Variants in PARD6G observed in about 807,000 individuals in gnomAD.
The protein encoded by PARD6G is partitioning defective 6 homolog gamma.
PARD6G carries 7 observed loss-of-function variants against 10.7 expected under a neutral mutation model. The observed-to-expected ratio is 0.66, with a 90% CI of 0.37 to 1.23. The LOEUF is 1.23. PARD6G is among the 50% of genes most tolerant of loss of function. PARD6G has a pLI of 0.02. For synonymous variants in PARD6G, 287 were observed against 269.4 expected, an observed-to-expected ratio of 1.07 and a Z score of -0.64; for missense variants, 548 against 571.8, an observed-to-expected ratio of 0.96 and a Z score of 0.42.
At chr18:80,171,165 C>T (rs7242254) in intron 2 of PARD6G, 36,215 of 152,194 alleles carry the variant, frequency 0.24, 5,635 homozygotes, top group Non-Finnish European at 0.36. Flanking sequence ...TTACTATAGT[C>T]AGCATTTGCT....
chr18:80,233,348 A>C (rs1245617583), intron 1 of PARD6G, among the ~76,000 whole-genome samples: 2 of 152,202 alleles, frequency 1.3e-5, no homozygotes, highest in Non-Finnish European at 2.9e-5. Flanking sequence ...AGGACCCAGG[A>C]GGCCTGTCCC....
rs2052676451 is a variant in PARD6G at position 80,159,138 on chromosome 18, T to TGC, written c.*631_*632dup. On this transcript the variant is annotated 3_prime_UTR_variant, in exon 3 of 3. Transcript: ENST00000353265. ...CAAGGTAGCTGGGATTACAGGCGCC[T>TGC]GCCACCACACCTGGCTAATTTTTAT... 2.0e-5 allele frequency: 3 copies of TGC among 152,038 alleles called. No individual in the cohort carries two copies. The highest frequency in any genetic ancestry group is 7.2e-5 in the African/African-American group (3 of 41,390). 9.4% of individuals were successfully genotyped at this position (152,038 alleles called of 1,614,324 possible). A position where few individuals can be genotyped will look rare whatever the true frequency, so the allele number is the denominator to read the frequency against.
In PARD6G at chr18:80,231,395, G is replaced by T. The variant is rs1312235750; in HGVS notation, c.72+15882C>A. Among the ~76,000 whole-genome samples the T allele has an allele frequency of 1.3e-5, 2 of 152,210 alleles. No homozygotes were observed. Among genetic ancestry groups the T allele is most frequent in the African/African-American group, 4.8e-5 (2 of 41,454 alleles). Reference sequence around the variant, plus strand: ...GGGTCCCATTCCGATGTGAGCTCATGATACATGGAGGAATTAGGCAGTTCT... The same window carrying T: ...GGGTCCCATTCCGATGTGAGCTCATTATACATGGAGGAATTAGGCAGTTCT... On this transcript the variant is annotated intron_variant, in intron 1 of 2. Transcript: ENST00000353265. The surrounding 1 kb of genome is among the most constrained non-coding windows in gnomAD (Gnocchi z 4.2).
intron 2 of PARD6G, among the ~76,000 whole-genome samples, chr18:80,190,529 C>T (rs542852235): frequency 2.6e-5 from 4 of 152,302 alleles, no homozygotes; most frequent in Non-Finnish European, 5.9e-5. Context: ...TGCTTCTCCA[C>T]CTGTAAGTCC....
intron 1 of PARD6G, among the ~76,000 whole-genome samples, chr18:80,214,755 G>A (rs1480340590): frequency 6.6e-6 from 1 of 151,984 alleles, no homozygotes; most frequent in Non-Finnish European, 1.5e-5. Flanking sequence ...AGGTCCCAGA[G>A]GAGAGAAAGA....
At chr18:80,196,450 TTATGA>T (rs1212372815) in intron 2 of PARD6G, among the ~76,000 whole-genome samples, 1 of 152,240 alleles carries the variant, frequency 6.6e-6, no homozygotes, top group Non-Finnish European at 1.5e-5. Flanking sequence ...ATGGATATGC[TTATGA>T]TATGTTAGGT....
rs1966997448 is a variant in PARD6G, at chr18:80,200,401, A to G, written c.295+2309T>C. Among the ~76,000 whole-genome samples, 1 of 152,204 alleles carries G rather than the reference A, an allele frequency of 6.6e-6. No individual in the cohort carries two copies. Among genetic ancestry groups the G allele is most frequent in the African/African-American group, 2.4e-5 (1 of 41,460 alleles). On this transcript the variant is annotated intron_variant, in intron 2 of 2. Coordinates refer to ENST00000353265, the MANE Select transcript of PARD6G (RefSeq NM_032510.4). The surrounding 1 kb of genome is among the most constrained non-coding windows in gnomAD (Gnocchi z 4.4). Reference sequence around the variant, plus strand: ...TTCCCAAAGACAGGACCGAGGGGCCAGTGAAGGGCTTGTCATCAGCAGATG... The same window carrying G: ...TTCCCAAAGACAGGACCGAGGGGCCGGTGAAGGGCTTGTCATCAGCAGATG...
intron 1 of PARD6G, among the ~76,000 whole-genome samples, chr18:80,212,076 G>A (rs573569092): frequency 2.0e-5 from 3 of 152,278 alleles, no homozygotes; most frequent in African/African-American, 7.2e-5. Context: ...TTCCCAGCCA[G>A]GGCCACACTG....
In PARD6G at chr18:80,189,713, G is replaced by A. The variant is rs537207967; in HGVS notation, c.295+12997C>T. ...GTCCCCTGGGAGTCCCCCGTCCGTC[G>A]TTGAGGCTGTTCTTTCATCTCCCAG... On this transcript the variant is annotated intron_variant, in intron 2 of 2. Transcript: ENST00000353265. The surrounding 1 kb of genome is among the most constrained non-coding windows in gnomAD (Gnocchi z 5.5). 1.9e-4 allele frequency among the ~76,000 whole-genome samples: 29 copies of A among 152,066 alleles called. No homozygotes were observed. Among genetic ancestry groups the A allele is most frequent in the East Asian group, 3.9e-4 (2 of 5,166 alleles).
At chr18:80,179,691 G>A (rs1043550517) in intron 2 of PARD6G, among the ~76,000 whole-genome samples, 17 of 152,340 alleles carry the variant, frequency 1.1e-4, no homozygotes, top group African/African-American at 3.1e-4. Context: ...TGTGCCTTCC[G>A]GGCAGCGACT....
chr18:80,163,723 C>T (rs2052716658), intron 2 of PARD6G, among the ~76,000 whole-genome samples: 1 of 152,224 alleles, frequency 6.6e-6, no homozygotes, highest in Non-Finnish European at 1.5e-5. Context: ...CCGGGCCCCT[C>T]CTCGTAAGGG....
intron 1 of PARD6G, among the ~76,000 whole-genome samples, chr18:80,206,294 G>A (rs1249772393): frequency 6.6e-6 from 1 of 152,144 alleles, no homozygotes; most frequent in Non-Finnish European, 1.5e-5. Flanking sequence ...AATGTGACAT[G>A]ACAAAAGCAT....
intron 2 of PARD6G, chr18:80,171,806 T>G (rs1429508586): frequency 6.6e-6 from 1 of 152,268 alleles, no homozygotes; most frequent in East Asian, 1.9e-4. Flanking sequence ...GAGTTCAGTA[T>G]TCCATTGTGT....
At position 80,159,807 on chromosome 18, in the gene PARD6G, G is replaced by GC; in HGVS notation, c.1094dup (p.Gly366ArgfsTer21). On this transcript the variant is annotated frameshift_variant, in exon 3 of 3. Transcript: ENST00000353265. LOFTEE classifies it high-confidence loss of function. Reference sequence around the variant, plus strand: ...CCGCGGGCCCGTGCTCCTCCACGCCGCCTGGCGGCAGCGCCAGGCTGTGAC... The same window carrying GC: ...CCGCGGGCCCGTGCTCCTCCACGCCGCCCTGGCGGCAGCGCCAGGCTGTGAC... 1 of 1,458,156 alleles carries GC rather than the reference G, an allele frequency of 6.9e-7. No homozygotes were observed. Among genetic ancestry groups the GC allele is most frequent in the Non-Finnish European group, 9.0e-7 (1 of 1,111,424 alleles). 90.3% of individuals were successfully genotyped at this position (1,458,156 alleles called of 1,614,324 possible).
chr18:80,202,327 CA>C, intron 2 of PARD6G, among the ~76,000 whole-genome samples: 1 of 152,048 alleles, frequency 6.6e-6, no homozygotes, highest in East Asian at 1.9e-4. Context: ...AAAAGTTAAC[CA>C]AAGTTATCAT....
At chr18:80,239,393 G>A (rs1177242491) in intron 1 of PARD6G, among the ~76,000 whole-genome samples, 1 of 152,070 alleles carries the variant, frequency 6.6e-6, no homozygotes, top group Non-Finnish European at 1.5e-5. Flanking sequence ...ACTGGAGGAA[G>A]AATCATCATC....
At chr18:80,211,176 A>G (rs1189363825) in intron 1 of PARD6G, among the ~76,000 whole-genome samples, 2 of 152,112 alleles carry the variant, frequency 1.3e-5, no homozygotes, top group Non-Finnish European at 2.9e-5. Context: ...TATATTTCTT[A>G]TGATAAAAAT....
intron 1 of PARD6G, among the ~76,000 whole-genome samples, chr18:80,223,668 T>A (rs1967256075): frequency 6.6e-6 from 1 of 152,296 alleles, no homozygotes; most frequent in African/African-American, 2.4e-5. Context: ...TTCTTCAAAA[T>A]GTTGAGTTAC....
chr18:80,192,759 C>A lies in PARD6G; in HGVS notation c.295+9951G>T, dbSNP rs1415401808. ...ATGAGGGTCAACCAGTCCCAAATCT[C>A]CACTGTTCATTATCTCCTCCTCACA... On this transcript the variant is annotated intron_variant, in intron 2 of 2. Coordinates refer to ENST00000353265, the MANE Select transcript of PARD6G (RefSeq NM_032510.4). This position sits in a 1 kb window ranked among gnomAD's most constrained non-coding sequence, Gnocchi z 4.9. 1.3e-5 allele frequency among the ~76,000 whole-genome samples: 2 copies of A among 152,142 alleles called. No individual in the cohort carries two copies. Among genetic ancestry groups the A allele is most frequent in the African/African-American group, 2.4e-5 (1 of 41,422 alleles).
Sources: allele counts gnomAD v4.1 joint callset (sites outside exome capture counted in the v4.1 genomes callset), GRCh38; gene constraint gnomAD v4.1.1; non-coding constraint Gnocchi (gnomAD v3.1); transcripts MANE v1.5; gene names NCBI Gene and HGNC (gene_info 2026-07-23, HGNC 2026-07-21).